PDE4D: variants seen among roughly 807,000 people sequenced by gnomAD.
PDE4D encodes phosphodiesterase 4D.
PDE4D carries 24 observed loss-of-function variants against 87.4 expected under a neutral mutation model. The observed-to-expected ratio is 0.27, with a 90% CI of 0.20 to 0.39. PDE4D has a LOEUF of 0.39. PDE4D is among the 10% of genes least tolerant of loss of function. The pLI, the probability that PDE4D is intolerant of heterozygous loss-of-function variation, is 1.00. For synonymous variants in PDE4D, 384 were observed against 383.2 expected (o/e 1.00, Z -0.02); for missense variants, 714 against 1,041.0 (o/e 0.69, Z 4.32).
intron 1 of PDE4D, among the ~76,000 whole-genome samples, chr5:59,352,604 G>A (rs975132273): frequency 2.0e-5 from 3 of 152,120 alleles, no homozygotes; most frequent in African/African-American, 7.2e-5. Context: ...TATGATCCCT[G>A]TTCATATCAG....
intron 1 of PDE4D, among the ~76,000 whole-genome samples, chr5:60,296,441 A>G (rs1358173399): frequency 6.6e-6 from 1 of 152,214 alleles, no homozygotes; most frequent in Non-Finnish European, 1.5e-5. Flanking sequence ...ATTATTCAAA[A>G]AAAAATGACT....
At chr5:60,256,135 C>T (rs576671166) in intron 1 of PDE4D, among the ~76,000 whole-genome samples, 3 of 152,002 alleles carry the variant, frequency 2.0e-5, no homozygotes, top group Admixed American at 1.3e-4. Context: ...AGAGTTATCA[C>T]CATCAGATTT....
At chr5:59,752,040 C>G (rs1195927210) in intron 1 of PDE4D, among the ~76,000 whole-genome samples, 1 of 152,098 alleles carries the variant, frequency 6.6e-6, no homozygotes, top group African/African-American at 2.4e-5. Context: ...CAATGTCTCC[C>G]TCCCATAAAT....
chr5:59,001,597 C>CA (rs1750548156), intron 6 of PDE4D, among the ~76,000 whole-genome samples: 1 of 152,154 alleles, frequency 6.6e-6, no homozygotes, highest in Non-Finnish European at 1.5e-5. Context: ...TGAAGTGTTC[C>CA]ACATGTTTGA....
intron 1 of PDE4D, among the ~76,000 whole-genome samples, chr5:59,530,540 T>C (rs1219301831): frequency 6.6e-6 from 1 of 152,172 alleles, no homozygotes; most frequent in African/African-American, 2.4e-5. Flanking sequence ...TCAATAGTTA[T>C]TATGCTGTAC....
At chr5:59,909,792 A>T (rs1442715638) in intron 3 of PDE4D, among the ~76,000 whole-genome samples, 4 of 152,126 alleles carry the variant, frequency 2.6e-5, no homozygotes, top group Non-Finnish European at 5.9e-5. Context: ...TCATTCCAAC[A>T]TGCTATCCTT....
Position 59,139,922 on chromosome 5 carries a change from C to T in PDE4D, c.808+40673G>A, listed in dbSNP as rs145225200. Among the ~76,000 whole-genome samples the T allele has an allele frequency of 5.0e-3, 765 of 152,308 alleles. 3 individuals carry two copies. The highest frequency in any genetic ancestry group is 0.017 in the African/African-American group (716 of 41,578). Reference sequence around the variant, plus strand: ...CAACAAACTTCAATGTCTACCATCACATACATACAAGTCTAAGTTTCATAG... The same window carrying T: ...CAACAAACTTCAATGTCTACCATCATATACATACAAGTCTAAGTTTCATAG... On this transcript the variant is annotated intron_variant, in intron 5 of 14. Transcript: ENST00000340635.
intron 1 of PDE4D, among the ~76,000 whole-genome samples, chr5:59,698,259 A>T (rs764435557): frequency 6.6e-6 from 1 of 152,136 alleles, no homozygotes; most frequent in Non-Finnish European, 1.5e-5. Flanking sequence ...ATGTTTTTCA[A>T]ACAGCAAAAT....
intron 1 of PDE4D, among the ~76,000 whole-genome samples, chr5:59,350,465 C>A (rs1159319219): frequency 2.0e-5 from 3 of 152,078 alleles, no homozygotes; most frequent in African/African-American, 4.8e-5. Context: ...AACAAATGAA[C>A]CATCAGGTTC....
chr5:60,190,215 A>G (rs1029543494), intron 1 of PDE4D, among the ~76,000 whole-genome samples: 1 of 152,230 alleles, frequency 6.6e-6, no homozygotes. Flanking sequence ...AAAGAAACAT[A>G]CAAGGATGGA....
intron 1 of PDE4D, among the ~76,000 whole-genome samples, chr5:60,301,386 G>A (rs554324161): frequency 6.8e-4 from 103 of 152,174 alleles, no homozygotes; most frequent in Middle Eastern, 3.4e-3. Context: ...TGATTTCTTT[G>A]AGCATTGGTT....
intron 1 of PDE4D, among the ~76,000 whole-genome samples, chr5:59,220,014 A>G (rs1429841784): frequency 6.6e-6 from 1 of 152,168 alleles, no homozygotes; most frequent in Admixed American, 6.5e-5. Context: ...ACCTATAAAA[A>G]TGGCAATTTT....
intron 5 of PDE4D, among the ~76,000 whole-genome samples, chr5:59,119,770 C>T (rs1774180517): frequency 1.3e-5 from 2 of 152,146 alleles, no homozygotes; most frequent in Non-Finnish European, 2.9e-5. Context: ...ACTACCTTTC[C>T]CACTGTTCAT....
In PDE4D at chr5:60,220,668, C is replaced by A. The variant is rs115063740; in HGVS notation, c.-89-34981G>T. 4.8e-3 allele frequency among the ~76,000 whole-genome samples: 734 copies of A among 152,186 alleles called. 9 individuals carry two copies. Among genetic ancestry groups the A allele is most frequent in the African/African-American group, 0.017 (699 of 41,536 alleles). On this transcript the variant is annotated intron_variant, in intron 1 of 16. Coordinates refer to the PDE4D transcript ENST00000502484. The stretch of plus-strand genomic sequence containing the variant: ...TTTGTTTGCCATGCCATGAACATTG[C>A]AGAAAAAACCTTCCCCATCTTTGCC...
chr5:59,988,353 CTTT>C, intron 3 of PDE4D: 1 of 456,932 alleles, frequency 2.2e-6, no homozygotes, highest in Non-Finnish European at 3.9e-6. Flanking sequence ...GAAATTCATC[CTTT>C]TTTTTTTGAC....
At chr5:60,365,521 G>C (rs888818442) in intron 1 of PDE4D, among the ~76,000 whole-genome samples, 1 of 152,146 alleles carries the variant, frequency 6.6e-6, no homozygotes, top group African/African-American at 2.4e-5. Flanking sequence ...ACCTGTGCAA[G>C]CAAGCCTTTT....
At chr5:59,605,800 C>A (rs1015954074) in intron 1 of PDE4D, among the ~76,000 whole-genome samples, 24 of 151,944 alleles carry the variant, frequency 1.6e-4, no homozygotes, top group African/African-American at 5.6e-4. Context: ...CCCTCTGGAC[C>A]AAAGTGATGT....
At chr5:59,648,575 T>C (rs558078462) in intron 1 of PDE4D, among the ~76,000 whole-genome samples, 2 of 152,096 alleles carry the variant, frequency 1.3e-5, no homozygotes, top group Non-Finnish European at 2.9e-5. Context: ...CACTAACTGA[T>C]AGGTTGTGTT....
intron 1 of PDE4D, among the ~76,000 whole-genome samples, chr5:60,327,225 T>A (rs1344842844): frequency 6.6e-6 from 1 of 152,206 alleles, no homozygotes; most frequent in African/African-American, 2.4e-5. Context: ...CAAACCTAAA[T>A]GCTGTTATAC....
Sources: gnomAD v4.1 joint callset for allele counts (sites outside exome capture counted in the v4.1 genomes callset) on GRCh38, gnomAD v4.1.1 for gene constraint, MANE v1.5 for transcripts, NCBI Gene and HGNC (gene_info 2026-07-23, HGNC 2026-07-21) for gene names.